The following NEMP2 variants were observed in gnomAD, a reference collection of about 807,000 sequenced individuals.
NEMP2 encodes the protein nuclear envelope integral membrane protein 2.
In NEMP2, 53 loss-of-function variants were observed where a neutral mutation model predicts 54.2. The observed-to-expected ratio is 0.98, with a 90% CI of 0.78 to 1.23. The LOEUF is 1.23. NEMP2 is among the 50% of genes most tolerant of loss of function. The pLI is 0.00. For synonymous variants in NEMP2, 197 were observed against 190.3 expected (o/e 1.04, Z -0.29); for missense variants, 455 against 511.3 (o/e 0.89, Z 1.06).
the NEMP2 span, among the ~76,000 whole-genome samples, chr2:190,465,096 T>TA: frequency 3.3e-5 from 5 of 152,242 alleles, no homozygotes; most frequent in Non-Finnish European, 7.3e-5. This position sits in a 1 kb window ranked among gnomAD's most constrained non-coding sequence, Gnocchi z 4.6. Flanking sequence ...AAACTGCTAA[T>TA]ACTGTGAATT....
At chr2:190,612,489 T>C in the NEMP2 span, among the ~76,000 whole-genome samples, 2 of 152,178 alleles carry the variant, frequency 1.3e-5, no homozygotes, top group Admixed American at 1.3e-4. Context: ...TATTTTACTT[T>C]AGGACAAGAA....
the NEMP2 span, among the ~76,000 whole-genome samples, chr2:190,449,084 G>T: frequency 6.6e-5 from 10 of 152,146 alleles, no homozygotes; most frequent in African/African-American, 9.7e-5. Flanking sequence ...GCCCTAAATG[G>T]CATAAATGAT....
the NEMP2 span, among the ~76,000 whole-genome samples, chr2:190,448,974 A>C: frequency 1.3e-5 from 2 of 152,198 alleles, no homozygotes; most frequent in African/African-American, 4.8e-5. Flanking sequence ...GTGTGTGCAT[A>C]GTTATAGCTG....
the NEMP2 span, among the ~76,000 whole-genome samples, chr2:190,589,160 G>A: frequency 2.6e-5 from 4 of 152,100 alleles, no homozygotes; most frequent in African/African-American, 9.7e-5. This position sits in a 1 kb window ranked among gnomAD's most constrained non-coding sequence, Gnocchi z 4.3. Flanking sequence ...TCTGACTGAT[G>A]ATTTTGTTGA....
At chr2:190,568,051 T>C in the NEMP2 span, 1 of 152,218 alleles carries the variant, frequency 6.6e-6, no homozygotes, top group East Asian at 1.9e-4. This position sits in a 1 kb window ranked among gnomAD's most constrained non-coding sequence, Gnocchi z 4.7. Flanking sequence ...AGAAAACTTA[T>C]GTCTCATGTA....
chr2:190,536,670 T>G (rs115895670), upstream of NEMP2, among the ~76,000 whole-genome samples: 1,716 of 152,088 alleles, frequency 0.011, 38 homozygotes, highest in African/African-American at 0.038. Context: ...GGGAGAGACC[T>G]CTCTGTAACA....
At chr2:190,645,566 G>T in the NEMP2 span, among the ~76,000 whole-genome samples, 14 of 152,086 alleles carry the variant, frequency 9.2e-5, no homozygotes, top group African/African-American at 3.4e-4. Flanking sequence ...ACAAAATTCT[G>T]CTAGTTCATA....
chr2:190,440,734 G>T, the NEMP2 span, among the ~76,000 whole-genome samples: 3 of 152,248 alleles, frequency 2.0e-5, no homozygotes, highest in Non-Finnish European at 4.4e-5. Flanking sequence ...TACACTCAAG[G>T]TCTGTTTTGC....
chr2:190,534,548 T>G lies in NEMP2; in HGVS notation c.97+11A>C. On this transcript the variant is annotated intron_variant, in intron 1 of 8. Coordinates refer to ENST00000409150, the MANE Select transcript of NEMP2 (RefSeq NM_001142645.2). ...CGCACGCGCGCGCCGCCGCCGCCGGTCCCGGGTTACCTGATAACGCTGCCG... is the reference window on the plus strand; with the variant it reads ...CGCACGCGCGCGCCGCCGCCGCCGGGCCCGGGTTACCTGATAACGCTGCCG... The G allele has an allele frequency of 1.4e-6, 2 of 1,394,532 alleles. No homozygotes were observed. Among genetic ancestry groups the G allele is most frequent in the Non-Finnish European group, 9.3e-7 (1 of 1,077,866 alleles). The allele number at this position is 1,394,532 out of a possible 1,614,324, so 86.4% of individuals were successfully genotyped here.
At chr2:190,643,479 A>T in the NEMP2 span, among the ~76,000 whole-genome samples, 2 of 152,184 alleles carry the variant, frequency 1.3e-5, no homozygotes, top group Non-Finnish European at 2.9e-5. Flanking sequence ...TTGGCCTCAA[A>T]GCCTGGCTCT....
chr2:190,484,084 A>G, the NEMP2 span, among the ~76,000 whole-genome samples: 1 of 152,104 alleles, frequency 6.6e-6, no homozygotes, highest in Non-Finnish European at 1.5e-5. Flanking sequence ...TTCTCAATCA[A>G]TATATTTAAG....
rs1690660488 is a variant in NEMP2 at position 190,518,961 on chromosome 2, T to G, written c.436A>C (p.Asn146His). Residue 146 changes from asparagine to histidine, a missense_variant, in exon 3 of 9, where the codon AAT (asparagine) becomes CAT (histidine). This residue lies in a region of NEMP2 where 294 missense variants were observed against 333.6 expected (regional missense o/e 0.88). Coordinates refer to ENST00000409150, the MANE Select transcript of NEMP2 (RefSeq NM_001142645.2). The stretch of plus-strand genomic sequence containing the variant: ...ATAAAATCGGACTTACTGTTTCGAT[T>G]CACATGTATCATATAGTTAAATATC... ...KKIFNYMIHV[N>H]RNIMDFKLFL... The G allele has an allele frequency of 3.9e-6, 6 of 1,549,714 alleles. No homozygotes were observed. The highest frequency in any genetic ancestry group is 3.3e-4 in the Middle Eastern group (2 of 5,978).
At position 190,514,308 on chromosome 2, in the gene NEMP2, C is replaced by T. The variant is rs1389147573; in HGVS notation, c.953+145G>A. On this transcript the variant is annotated intron_variant, in intron 7 of 8. Coordinates refer to ENST00000409150, the MANE Select transcript of NEMP2 (RefSeq NM_001142645.2). This position sits in a 1 kb window ranked among gnomAD's most constrained non-coding sequence, Gnocchi z 5.7. ...GGGATCAGATGCTTGGAGCTCTCTA[C>T]CCCTACACCCCCAATCTTGCTCAGA... 2.6e-6 allele frequency: 2 copies of T among 779,792 alleles called. No individual in the cohort carries two copies. The highest frequency in any genetic ancestry group is 1.7e-5 in the South Asian group (1 of 58,316). The allele number at this position is 779,792 out of a possible 1,614,324, so 48.3% of individuals were successfully genotyped here. A position where few individuals can be genotyped will look rare whatever the true frequency, so the allele number is the denominator to read the frequency against.
At chr2:190,488,710 G>A in the NEMP2 span, 24 of 1,604,184 alleles carry the variant, frequency 1.5e-5, no homozygotes, top group South Asian at 2.2e-5. This position sits in a 1 kb window ranked among gnomAD's most constrained non-coding sequence, Gnocchi z 6.4. Context: ...CAGTGCAGCC[G>A]TTCCCCCTGA....
the NEMP2 span, among the ~76,000 whole-genome samples, chr2:190,598,195 G>A: frequency 1.3e-5 from 2 of 152,260 alleles, no homozygotes; most frequent in South Asian, 2.1e-4. Flanking sequence ...CCTGGGGAGG[G>A]GAGAGCAAAA....
rs1690492321 is a variant in NEMP2 at position 190,514,742 on chromosome 2, GC to G, written c.728-65del. 2.8e-6 allele frequency: 4 copies of G among 1,447,336 alleles called. No homozygotes were observed. The highest frequency in any genetic ancestry group is 2.0e-5 in the Admixed American group (1 of 49,260). 89.7% of individuals were successfully genotyped at this position (1,447,336 alleles called of 1,614,324 possible). A position where few individuals can be genotyped will look rare whatever the true frequency, so the allele number is the denominator to read the frequency against. ...TTTGAGACATTATGTGAAAAACCTGGCAGAGCCTTGACTTAAAGGTAAAAAC... is the reference window on the plus strand; with the variant it reads ...TTTGAGACATTATGTGAAAAACCTGGAGAGCCTTGACTTAAAGGTAAAAAC... On this transcript the variant is annotated intron_variant, in intron 6 of 8. Transcript: ENST00000409150. The surrounding 1 kb of genome is among the most constrained non-coding windows in gnomAD (Gnocchi z 5.7).
chr2:190,635,754 T>C, the NEMP2 span, among the ~76,000 whole-genome samples: 1 of 152,248 alleles, frequency 6.6e-6, no homozygotes, highest in Non-Finnish European at 1.5e-5. This position sits in a 1 kb window ranked among gnomAD's most constrained non-coding sequence, Gnocchi z 4.1. Flanking sequence ...AGACTACACC[T>C]AGGAGTGCAA....
At chr2:190,425,071 T>C in the NEMP2 span, among the ~76,000 whole-genome samples, 161 of 151,298 alleles carry the variant, frequency 1.1e-3, no homozygotes, top group Non-Finnish European at 1.4e-3. This position sits in a 1 kb window ranked among gnomAD's most constrained non-coding sequence, Gnocchi z 4.3. Flanking sequence ...CTTGTACACA[T>C]TTTTTAAATT....
At chr2:190,444,475 A>C in the NEMP2 span, among the ~76,000 whole-genome samples, 6 of 152,262 alleles carry the variant, frequency 3.9e-5, no homozygotes, top group African/African-American at 1.2e-4. Context: ...GCAGTGAAAC[A>C]GGAGTTTACT....
Sources: allele counts gnomAD v4.1 joint callset (sites outside exome capture counted in the v4.1 genomes callset), GRCh38; gene constraint gnomAD v4.1.1; regional missense constraint gnomAD v4.1.1; non-coding constraint Gnocchi (gnomAD v3.1); transcripts MANE v1.5; gene names NCBI Gene and HGNC (gene_info 2026-07-23, HGNC 2026-07-21).